HS3ST5: variants seen among roughly 807,000 people sequenced by gnomAD.
HS3ST5 encodes the protein heparan sulfate-glucosamine 3-sulfotransferase 5.
A neutral mutation model predicts 25.4 loss-of-function variants in HS3ST5; 10 were observed. That is an observed-to-expected ratio of 0.39 (90% CI 0.24 to 0.67). The LOEUF (loss-of-function observed/expected upper bound fraction) is 0.67. Ranked by LOEUF, HS3ST5 falls within the 30% of genes least tolerant of loss-of-function variation. The probability of loss-of-function intolerance (pLI) is 0.44; values close to 1 mark genes in which losing one functional copy is unlikely to be tolerated. For synonymous variants in HS3ST5, 170 were observed against 162.4 expected (o/e 1.05, Z -0.36); for missense variants, 324 against 420.7 (o/e 0.77, Z 2.01).
intron 1 of HS3ST5, among the ~76,000 whole-genome samples, chr6:114,236,036 T>G (rs1014779082): frequency 6.6e-6 from 1 of 152,138 alleles, no homozygotes; most frequent in African/African-American, 2.4e-5. Flanking sequence ...GACTCTCAGG[T>G]TGGTAATTCA....
chr6:114,084,500 G>A (rs1224330770), intron 3 of HS3ST5: 13 of 758,370 alleles, frequency 1.7e-5, no homozygotes, highest in Non-Finnish European at 3.1e-5. Context: ...ATGGTGCCAC[G>A]CATGCGCAGA....
chr6:114,170,298 G>A (rs1386906556), intron 2 of HS3ST5, among the ~76,000 whole-genome samples: 1 of 151,864 alleles, frequency 6.6e-6, no homozygotes, highest in Non-Finnish European at 1.5e-5. Flanking sequence ...TGTAAATATA[G>A]AGTATATATA....
chr6:114,122,410 T>A (rs1194671992), intron 3 of HS3ST5, among the ~76,000 whole-genome samples: 1 of 152,142 alleles, frequency 6.6e-6, no homozygotes, highest in Non-Finnish European at 1.5e-5. Flanking sequence ...TCTACCCTCA[T>A]GGGGTGGGGC....
intron 1 of HS3ST5, among the ~76,000 whole-genome samples, chr6:114,336,080 G>A (rs1203376300): frequency 6.6e-6 from 1 of 152,192 alleles, no homozygotes; most frequent in Non-Finnish European, 1.5e-5. Flanking sequence ...GAGAACCCAT[G>A]TTTTAAAATG....
chr6:114,178,702 C>T (rs11967851), intron 2 of HS3ST5: 13 of 151,878 alleles, frequency 8.6e-5, no homozygotes, highest in Non-Finnish European at 1.5e-4. Context: ...AAACATTGCA[C>T]GACAATGAAC....
chr6:114,329,629 CA>C (rs1311099389), intron 1 of HS3ST5, among the ~76,000 whole-genome samples: 6 of 152,224 alleles, frequency 3.9e-5, no homozygotes, highest in African/African-American at 1.4e-4. Context: ...GAAGGATCAA[CA>C]AAAACAAAGT....
intron 1 of HS3ST5, among the ~76,000 whole-genome samples, chr6:114,296,711 G>A (rs1179360863): frequency 2.0e-5 from 3 of 152,142 alleles, no homozygotes; most frequent in Non-Finnish European, 4.4e-5. Flanking sequence ...AGGAATTTGT[G>A]AGCTTTGAAA....
At chr6:114,171,343 A>G (rs1477448185) in intron 2 of HS3ST5, among the ~76,000 whole-genome samples, 7 of 152,188 alleles carry the variant, frequency 4.6e-5, no homozygotes, top group Non-Finnish European at 7.3e-5. Context: ...GTATTTAAAC[A>G]AACAGTTTAA....
intron 3 of HS3ST5, among the ~76,000 whole-genome samples, chr6:114,105,587 T>C (rs1386810365): frequency 6.6e-6 from 1 of 152,190 alleles, no homozygotes; most frequent in Non-Finnish European, 1.5e-5. Context: ...TGGAGAAATA[T>C]TGTTGTCACC....
At chr6:114,094,027 A>G (rs1914975) in intron 3 of HS3ST5, among the ~76,000 whole-genome samples, 2,049 of 152,292 alleles carry the variant, frequency 0.013, 48 homozygotes, top group African/African-American at 0.048. Flanking sequence ...TAGAGTAAGG[A>G]TACCAAATAG....
intron 1 of HS3ST5, among the ~76,000 whole-genome samples, chr6:114,296,565 C>A (rs146205594): frequency 6.6e-6 from 1 of 151,890 alleles, no homozygotes; most frequent in African/African-American, 2.4e-5. Flanking sequence ...ATATATATTC[C>A]GAAAGATGTT....
intron 1 of HS3ST5, among the ~76,000 whole-genome samples, chr6:114,295,765 G>T (rs1265396602): frequency 6.6e-6 from 1 of 152,154 alleles, no homozygotes; most frequent in East Asian, 1.9e-4. Flanking sequence ...CATAAAGTAG[G>T]TCTACTGTGA....
At chr6:114,244,718 C>CA (rs910436894) in intron 1 of HS3ST5, among the ~76,000 whole-genome samples, 2 of 151,370 alleles carry the variant, frequency 1.3e-5, no homozygotes, top group African/African-American at 4.9e-5. Flanking sequence ...TGTGGAAGAC[C>CA]AAAAAAAGAA....
chr6:114,288,923 G>A (rs1853385), intron 1 of HS3ST5, among the ~76,000 whole-genome samples: 4,891 of 152,044 alleles, frequency 0.032, 278 homozygotes, highest in African/African-American at 0.11. Flanking sequence ...CAGATCTGTA[G>A]CTCCCGAAGA....
At chr6:114,097,056 C>T (rs909889042) in intron 3 of HS3ST5, among the ~76,000 whole-genome samples, 1 of 151,910 alleles carries the variant, frequency 6.6e-6, no homozygotes, top group Non-Finnish European at 1.5e-5. Flanking sequence ...AAAGAGCTTC[C>T]TCTAGTTTCC....
At chr6:114,197,753 A>T (rs1259459737) in intron 2 of HS3ST5, among the ~76,000 whole-genome samples, 1 of 152,242 alleles carries the variant, frequency 6.6e-6, no homozygotes, top group Admixed American at 6.5e-5. Flanking sequence ...TTTCTGTGCT[A>T]ATTTGCTTGG....
chr6:114,282,883 C>T (rs568528328), intron 1 of HS3ST5, among the ~76,000 whole-genome samples: 17 of 152,078 alleles, frequency 1.1e-4, no homozygotes, highest in African/African-American at 3.6e-4. Flanking sequence ...ACTAAAGTTT[C>T]TCACGTAGAA....
At chr6:114,258,258 T>A (rs1008689875) in intron 1 of HS3ST5, among the ~76,000 whole-genome samples, 1 of 151,916 alleles carries the variant, frequency 6.6e-6, no homozygotes, top group Non-Finnish European at 1.5e-5. Context: ...CTGTGGGGAG[T>A]GCGTGACGAT....
At chr6:114,182,399 AAAAAATTC>A (rs1477660850) in intron 2 of HS3ST5, among the ~76,000 whole-genome samples, 2 of 152,218 alleles carry the variant, frequency 1.3e-5, no homozygotes, top group African/African-American at 4.8e-5. Flanking sequence ...GGTTAAGAGG[AAAAAATTC>A]TAGAGAATAG....
Sources: allele counts gnomAD v4.1 joint callset (sites outside exome capture counted in the v4.1 genomes callset), GRCh38; gene constraint gnomAD v4.1.1; transcripts MANE v1.5; gene names NCBI Gene and HGNC (gene_info 2026-07-23, HGNC 2026-07-21).